LRP1B: variants seen among roughly 807,000 people sequenced by gnomAD.
The protein encoded by LRP1B is low-density lipoprotein receptor-related protein 1B.
A neutral mutation model predicts 556.6 loss-of-function variants in LRP1B; 217 were observed. That is an observed-to-expected ratio of 0.39 (90% confidence interval 0.35 to 0.44). The LOEUF (loss-of-function observed/expected upper bound fraction) is 0.44. LRP1B is among the 20% of genes least tolerant of loss of function. The pLI is 1.00. For synonymous variants in LRP1B, 2,047 were observed against 1,865.8 expected, an observed-to-expected ratio of 1.10 and a Z score of -2.50; for missense variants, 5,053 against 5,620.8, an observed-to-expected ratio of 0.90 and a Z score of 3.23.
At chr2:142,113,570 T>A (rs1707081037) in intron 1 of LRP1B, among the ~76,000 whole-genome samples, 1 of 151,590 alleles carries the variant, frequency 6.6e-6, no homozygotes, top group South Asian at 2.1e-4. Context: ...CCAGAAATTT[T>A]AAAACAAAAA....
intron 55 of LRP1B, among the ~76,000 whole-genome samples, chr2:140,499,678 G>A (rs10206306): frequency 0.078 from 11,828 of 151,836 alleles, 577 homozygotes; most frequent in South Asian, 0.17. Context: ...ACAATGCTAA[G>A]TATTTGTGTA....
intron 66 of LRP1B, among the ~76,000 whole-genome samples, chr2:140,437,518 C>T (rs1293105128): frequency 6.6e-6 from 1 of 152,130 alleles, no homozygotes; most frequent in Non-Finnish European, 1.5e-5. Flanking sequence ...ATTAAAAATA[C>T]TACACAGATG....
chr2:140,802,352 G>T (rs993015104), intron 32 of LRP1B, among the ~76,000 whole-genome samples: 1 of 152,144 alleles, frequency 6.6e-6, no homozygotes, highest in Admixed American at 6.5e-5. Context: ...TACCCCAGTG[G>T]ACATTTATAT....
chr2:140,596,561 A>G (rs565656375), intron 43 of LRP1B, among the ~76,000 whole-genome samples: 2 of 152,352 alleles, frequency 1.3e-5, no homozygotes, highest in East Asian at 1.9e-4. Flanking sequence ...TTTACTGTGC[A>G]AAGTGTTTAT....
chr2:141,314,841 T>C (rs1686948559), intron 3 of LRP1B, among the ~76,000 whole-genome samples: 1 of 133,030 alleles, frequency 7.5e-6, no homozygotes. Context: ...TATATATATA[T>C]ATACACATAT....
intron 1 of LRP1B, among the ~76,000 whole-genome samples, chr2:141,920,250 T>G (rs569969894): frequency 7.4e-6 from 1 of 134,906 alleles, no homozygotes; most frequent in Non-Finnish European, 1.6e-5. Flanking sequence ...GATGGTGATC[T>G]CTGTTTCAAT....
chr2:141,920,973 T>C (rs1422939002), intron 1 of LRP1B, among the ~76,000 whole-genome samples: 1 of 152,042 alleles, frequency 6.6e-6, no homozygotes, highest in Admixed American at 6.6e-5. Context: ...AACTCACTCA[T>C]GTTGAAATAC....
chr2:141,323,776 A>G (rs1390561299), intron 3 of LRP1B, among the ~76,000 whole-genome samples: 1 of 152,006 alleles, frequency 6.6e-6, no homozygotes, highest in Non-Finnish European at 1.5e-5. Flanking sequence ...GCATTACATA[A>G]CTTCTTCCCA....
chr2:141,349,455 G>A (rs1200618761), intron 3 of LRP1B, among the ~76,000 whole-genome samples: 2 of 152,052 alleles, frequency 1.3e-5, no homozygotes, highest in African/African-American at 4.8e-5. Context: ...CAATGGAATA[G>A]GGGCTCTCAA....
At chr2:141,973,627 T>C (rs1037999669) in intron 1 of LRP1B, among the ~76,000 whole-genome samples, 2 of 151,898 alleles carry the variant, frequency 1.3e-5, no homozygotes, top group Non-Finnish European at 2.9e-5. Flanking sequence ...GGATTTCATC[T>C]TATAGCTTGA....
At chr2:142,108,971 T>C (rs1706863010) in intron 1 of LRP1B, among the ~76,000 whole-genome samples, 1 of 152,186 alleles carries the variant, frequency 6.6e-6, no homozygotes, top group Non-Finnish European at 1.5e-5. Flanking sequence ...CTTGTATATT[T>C]TGCCCAACTG....
chr2:140,368,959 G>A (rs1010691649), intron 71 of LRP1B, among the ~76,000 whole-genome samples: 1 of 151,812 alleles, frequency 6.6e-6, no homozygotes, highest in Non-Finnish European at 1.5e-5. Flanking sequence ...CAAGTTAGAG[G>A]TGTGAATGGA....
rs959310223 is a variant in LRP1B at position 141,214,849 on chromosome 2, A to G, written c.850+14334T>C. Among the ~76,000 whole-genome samples, 6 of 152,218 alleles carry G rather than the reference A, an allele frequency of 3.9e-5. No individual in the cohort carries two copies. In the South Asian group the frequency reaches 8.3e-4, roughly 21 times the overall value. On this transcript the variant is annotated intron_variant, in intron 6 of 90. Coordinates refer to ENST00000389484, the MANE Select transcript of LRP1B (RefSeq NM_018557.3). ...TAGCTCTTACACTTTATCCAGACAC[A>G]GACCATATCTTACTGATGATGCAGA...
intron 18 of LRP1B, among the ~76,000 whole-genome samples, chr2:140,963,966 A>G (rs1477231744): frequency 6.6e-6 from 1 of 152,074 alleles, no homozygotes; most frequent in Non-Finnish European, 1.5e-5. Context: ...GGCCCAGGGG[A>G]CCACTACCAC....
chr2:140,859,265 A>C (rs1471590681), intron 27 of LRP1B, among the ~76,000 whole-genome samples: 1 of 152,148 alleles, frequency 6.6e-6, no homozygotes, highest in Non-Finnish European at 1.5e-5. Context: ...TAATCATGTG[A>C]AAAGTATTCC....
chr2:142,050,193 A>G (rs1380423989), intron 1 of LRP1B, among the ~76,000 whole-genome samples: 1 of 152,180 alleles, frequency 6.6e-6, no homozygotes, highest in Non-Finnish European at 1.5e-5. Context: ...GAGAAATTTC[A>G]TATATAGTCA....
At chr2:140,315,799 ATATACATAG>A (rs542810661) in intron 82 of LRP1B, among the ~76,000 whole-genome samples, 3 of 152,290 alleles carry the variant, frequency 2.0e-5, no homozygotes, top group Non-Finnish European at 4.4e-5. Flanking sequence ...GCGTGTGTGA[ATATACATAG>A]TATAGAGAAA....
chr2:140,417,984 G>A (rs1413520661), intron 66 of LRP1B, among the ~76,000 whole-genome samples: 2 of 152,164 alleles, frequency 1.3e-5, no homozygotes, highest in East Asian at 1.9e-4. Flanking sequence ...GAGTTTTTGA[G>A]TTATGAGAGC....
intron 2 of LRP1B, among the ~76,000 whole-genome samples, chr2:141,748,456 T>C (rs1215477420): frequency 6.6e-6 from 1 of 152,162 alleles, no homozygotes; most frequent in African/African-American, 2.4e-5. Flanking sequence ...TGGAAGATAA[T>C]AAGTGTAGCT....
Sources: allele counts gnomAD v4.1 joint callset (sites outside exome capture counted in the v4.1 genomes callset), GRCh38; gene constraint gnomAD v4.1.1; transcripts MANE v1.5; gene names NCBI Gene and HGNC (gene_info 2026-07-23, HGNC 2026-07-21).